The following TMED5 variants were observed in gnomAD, a reference collection of about 807,000 sequenced individuals.
TMED5 encodes transmembrane p24 trafficking protein 5.
TMED5 carries 27 observed loss-of-function variants against 23.0 expected under a neutral mutation model. That is an observed-to-expected ratio of 1.17 (90% confidence interval 0.86 to 1.62). The LOEUF (loss-of-function observed/expected upper bound fraction) is 1.62, where lower values mean the gene tolerates loss of function less well. Among genes scored for constraint, TMED5 ranks in the 40% most tolerant of loss-of-function variants. The probability of loss-of-function intolerance (pLI) is 0.00; values close to 1 mark genes in which losing one functional copy is unlikely to be tolerated. For synonymous variants in TMED5, 97 were observed against 100.8 expected, an observed-to-expected ratio of 0.96 and a Z score of 0.23; for missense variants, 248 against 273.7, an observed-to-expected ratio of 0.91 and a Z score of 0.66.
At chr1:93,163,260 T>C (rs2101139313) in intron 1 of TMED5, 2 of 151,996 alleles carry the variant, frequency 1.3e-5, no homozygotes, top group African/African-American at 4.8e-5. Flanking sequence ...AAAAAGCAGT[T>C]ATTGGTAGTG....
At chr1:93,171,768 C>T (rs1371460847) in intron 1 of TMED5, among the ~76,000 whole-genome samples, 1 of 152,214 alleles carries the variant, frequency 6.6e-6, no homozygotes, top group Non-Finnish European at 1.5e-5. Context: ...ATGGAAACTA[C>T]ATACCAGTAT....
chr1:93,154,341 G>T lies in TMED5; in HGVS notation c.*329C>A. 4.6e-6 allele frequency: 1 copy of T among 219,012 alleles called. No homozygotes were observed. Among genetic ancestry groups the T allele is most frequent in the Non-Finnish European group, 8.9e-6 (1 of 112,450 alleles). 13.6% of individuals were successfully genotyped at this position (219,012 alleles called of 1,614,324 possible). ...AATAGAACCTGTTAAAAACAGACTG[G>T]TGTTGCAATTAGGCCCAATACTCAT... is the stretch of plus-strand genomic sequence containing the variant. On this transcript the variant is annotated 3_prime_UTR_variant, in exon 4 of 4. Coordinates refer to ENST00000370282, the MANE Select transcript of TMED5 (RefSeq NM_016040.5).
chr1:93,166,648 A>G (rs1357207065), intron 1 of TMED5, among the ~76,000 whole-genome samples: 1 of 152,052 alleles, frequency 6.6e-6, no homozygotes, highest in Non-Finnish European at 1.5e-5. Context: ...AGTTCCTTAT[A>G]TATTCTGGTT....
chr1:93,175,683 T>C (rs913778946), intron 1 of TMED5, among the ~76,000 whole-genome samples: 6 of 151,926 alleles, frequency 3.9e-5, no homozygotes, highest in Non-Finnish European at 7.4e-5. Context: ...AATATTGAAA[T>C]TTGGCTCTAT....
chr1:93,171,096 C>G (rs1389197331), intron 1 of TMED5, among the ~76,000 whole-genome samples: 1 of 152,208 alleles, frequency 6.6e-6, no homozygotes, highest in Non-Finnish European at 1.5e-5. Flanking sequence ...TTCACACTGC[C>G]TTTATGAGCT....
chr1:93,175,570 G>A (rs538596331), intron 1 of TMED5, among the ~76,000 whole-genome samples: 1 of 151,770 alleles, frequency 6.6e-6, no homozygotes, highest in Non-Finnish European at 1.5e-5. Context: ...TATTAGGCAT[G>A]TATACCTGTA....
At chr1:93,167,836 C>T (rs1648563117) in intron 1 of TMED5, among the ~76,000 whole-genome samples, 2 of 152,160 alleles carry the variant, frequency 1.3e-5, no homozygotes, top group Admixed American at 1.3e-4. Flanking sequence ...TGTTCCAGAT[C>T]TCAGAGGAAA....
Position 93,154,199 on chromosome 1 carries a change from TG to T in TMED5, c.*470del, listed in dbSNP as rs1009263744. The T allele has an allele frequency of 6.4e-6, 1 of 155,232 alleles. No homozygotes were observed. The highest frequency in any genetic ancestry group is 2.4e-5 in the African/African-American group (1 of 41,496). 9.6% of individuals were successfully genotyped at this position (155,232 alleles called of 1,614,324 possible). ...TGTAAATAGAGAAAAGTTGGGCTTT[TG>T]TAGTCTAAAGATTTATTCAATCCAT... is the stretch of plus-strand genomic sequence containing the variant. On this transcript the variant is annotated 3_prime_UTR_variant, in exon 4 of 4. Coordinates refer to ENST00000370282, the MANE Select transcript of TMED5 (RefSeq NM_016040.5).
At chr1:93,172,332 G>A (rs1227412418) in intron 1 of TMED5, among the ~76,000 whole-genome samples, 3 of 152,110 alleles carry the variant, frequency 2.0e-5, no homozygotes, top group East Asian at 1.9e-4. Flanking sequence ...AACCCGTCCC[G>A]GAACTAATAA....
chr1:93,175,201 A>ATATATATATATATATAT (rs71094238), intron 1 of TMED5, among the ~76,000 whole-genome samples: 38 of 141,310 alleles, frequency 2.7e-4, no homozygotes, highest in African/African-American at 9.2e-4. Flanking sequence ...ATATATATAT[A>ATATATATATATATATAT]AATGGACCTC....
chr1:93,155,217 G>A (rs1156754609), intron 3 of TMED5, among the ~76,000 whole-genome samples: 2 of 152,114 alleles, frequency 1.3e-5, no homozygotes, highest in Non-Finnish European at 2.9e-5. Flanking sequence ...CAGAGTGAGT[G>A]AGACCCTGTC....
In TMED5 at chr1:93,150,811, C is replaced by T. The variant is rs747291638; in HGVS notation, c.*3859G>A. On this transcript the variant is annotated 3_prime_UTR_variant, in exon 4 of 4. Coordinates refer to ENST00000370282, the MANE Select transcript of TMED5 (RefSeq NM_016040.5). ...CACTTCCAGGATTAGGGAGTAGTAT[C>T]TTTCTTTCTGAGGGAGTTTATATCA... 6.6e-6 allele frequency: 1 copy of T among 152,130 alleles called. No individual in the cohort carries two copies. The highest frequency in any genetic ancestry group is 2.4e-5 in the African/African-American group (1 of 41,422). The allele number at this position is 152,130 out of a possible 1,614,324, so 9.4% of individuals were successfully genotyped here.
intron 1 of TMED5, among the ~76,000 whole-genome samples, chr1:93,171,698 T>C (rs1648739954): frequency 6.6e-6 from 1 of 152,222 alleles, no homozygotes; most frequent in Non-Finnish European, 1.5e-5. Flanking sequence ...AACAATTCTT[T>C]ACTCATTCTG....
Position 93,179,113 on chromosome 1 carries a change from G to A in TMED5, c.189+941C>T, listed in dbSNP as rs545802121. Among the ~76,000 whole-genome samples the A allele has an allele frequency of 9.2e-5, 14 of 152,334 alleles. No individual in the cohort carries two copies. In the South Asian group the frequency reaches 2.5e-3, roughly 27 times the overall value. On this transcript the variant is annotated intron_variant, in intron 1 of 3. Coordinates refer to ENST00000370282, the MANE Select transcript of TMED5 (RefSeq NM_016040.5). ...ATGGTGGCTCACGCCTGTAATCCCAGCACTTTGGGAGGCCGAGGCGGGTGG... is the reference window on the plus strand; with the variant it reads ...ATGGTGGCTCACGCCTGTAATCCCAACACTTTGGGAGGCCGAGGCGGGTGG...
intron 3 of TMED5, chr1:93,155,896 A>T (rs1289225019): frequency 4.2e-6 from 2 of 477,550 alleles, no homozygotes; most frequent in Non-Finnish European, 7.5e-6. Context: ...AGTATTCAGT[A>T]AAACACCCAA....
intron 3 of TMED5, 128 bp downstream of exon 3, chr1:93,156,172 G>T: frequency 8.7e-7 from 1 of 1,147,508 alleles, no homozygotes; most frequent in Non-Finnish European, 1.2e-6. Context: ...AGTATTTATG[G>T]CAAAAATAAA....
At chr1:93,165,547 C>G (rs1463130836) in intron 1 of TMED5, among the ~76,000 whole-genome samples, 3 of 152,000 alleles carry the variant, frequency 2.0e-5, no homozygotes, top group Non-Finnish European at 4.4e-5. Context: ...AAATCTAGGG[C>G]AAATTTTTTT....
intron 1 of TMED5, among the ~76,000 whole-genome samples, chr1:93,178,359 T>C (rs1649007923): frequency 6.6e-6 from 1 of 152,210 alleles, no homozygotes; most frequent in Non-Finnish European, 1.5e-5. Context: ...TTTTCTGAAA[T>C]GCCCCTTGTT....
At chr1:93,168,398 TTAAATA>T (rs764240141) in intron 1 of TMED5, among the ~76,000 whole-genome samples, 2 of 152,142 alleles carry the variant, frequency 1.3e-5, no homozygotes, top group South Asian at 4.1e-4. Context: ...GAAACCAACT[TTAAATA>T]TAAAGACACA....
Sources: gnomAD v4.1 joint callset for allele counts (sites outside exome capture counted in the v4.1 genomes callset) on GRCh38, gnomAD v4.1.1 for gene constraint, MANE v1.5 for transcripts, NCBI Gene and HGNC (gene_info 2026-07-23, HGNC 2026-07-21) for gene names.